The following ANKRD55 variants were observed in gnomAD, a reference collection of about 807,000 sequenced individuals.
ANKRD55 encodes ankyrin repeat domain 55, also known as ankyrin repeat domain-containing protein 55.
In ANKRD55, 41 loss-of-function variants were observed where a neutral mutation model predicts 60.6. The ratio of observed to expected loss-of-function variants is 0.68; its 90% confidence interval spans 0.53 to 0.88. The LOEUF is 0.88. Among genes scored for constraint, ANKRD55 ranks in the 40% least tolerant of loss-of-function variants. The probability of loss-of-function intolerance (pLI) is 0.00; values close to 1 mark genes in which losing one functional copy is unlikely to be tolerated. For synonymous variants in ANKRD55, 264 were observed against 290.3 expected, an observed-to-expected ratio of 0.91 and a Z score of 0.92; for missense variants, 732 against 767.6, an observed-to-expected ratio of 0.95 and a Z score of 0.55.
At chr5:56,111,038 T>A in intron 10 of ANKRD55, 80 bp downstream of exon 10, 1 of 1,492,524 alleles carries the variant, frequency 6.7e-7, no homozygotes, top group East Asian at 2.3e-5. Flanking sequence ...CTATTGTCAC[T>A]CCAGTTCCTA....
intron 9 of ANKRD55, among the ~76,000 whole-genome samples, chr5:56,116,185 T>C (rs1756880686): frequency 6.6e-6 from 1 of 152,172 alleles, no homozygotes. Flanking sequence ...GCCATAAATA[T>C]TGACGGGTTT....
intron 8 of ANKRD55, among the ~76,000 whole-genome samples, chr5:56,117,200 G>A (rs1181998140): frequency 6.6e-6 from 1 of 152,124 alleles, no homozygotes; most frequent in African/African-American, 2.4e-5. Flanking sequence ...ATTTTGGTAG[G>A]CAAAATATGC....
At chr5:56,149,849 T>C (rs1757998102) in intron 6 of ANKRD55, among the ~76,000 whole-genome samples, 1 of 151,760 alleles carries the variant, frequency 6.6e-6, no homozygotes, top group Non-Finnish European at 1.5e-5. Flanking sequence ...ACTTCTTTTT[T>C]TTTTTTTTTT....
At chr5:56,210,547 C>A (rs1227946383) in intron 2 of ANKRD55, among the ~76,000 whole-genome samples, 23 of 114,022 alleles carry the variant, frequency 2.0e-4, no homozygotes, top group African/African-American at 3.6e-5. Flanking sequence ...GGCGACAGAG[C>A]GAGACTACGT....
At chr5:56,160,395 C>T (rs746639170) in intron 5 of ANKRD55, among the ~76,000 whole-genome samples, 4 of 152,140 alleles carry the variant, frequency 2.6e-5, no homozygotes, top group Non-Finnish European at 5.9e-5. Context: ...CCCCGCACCA[C>T]GCCCTGCTAA....
chr5:56,217,256 G>T (rs1371740860), intron 2 of ANKRD55, among the ~76,000 whole-genome samples: 1 of 152,168 alleles, frequency 6.6e-6, no homozygotes, highest in African/African-American at 2.4e-5. Context: ...AGAAAGAAAA[G>T]TTCCTTTCAA....
At chr5:56,134,449 G>A (rs1416457880) in intron 7 of ANKRD55, among the ~76,000 whole-genome samples, 1 of 111,224 alleles carries the variant, frequency 9.0e-6, no homozygotes, top group Non-Finnish European at 2.1e-5. Flanking sequence ...CGTGGTGGCA[G>A]GCGCCTGTAA....
At chr5:56,233,032 A>T (rs1220405229) in intron 1 of ANKRD55, 86 bp from the exon 2 acceptor site, 2 of 890,068 alleles carry the variant, frequency 2.2e-6, no homozygotes, top group African/African-American at 3.3e-5. Flanking sequence ...CTGTTTCAGG[A>T]TTAAATGTGC....
chr5:56,129,228 A>G (rs972446618), intron 7 of ANKRD55, among the ~76,000 whole-genome samples: 12 of 152,174 alleles, frequency 7.9e-5, no homozygotes, highest in African/African-American at 2.9e-4. Flanking sequence ...ACAAGAAGAA[A>G]TGGGACTGTG....
At chr5:56,142,705 G>T (rs574176871) in intron 7 of ANKRD55, among the ~76,000 whole-genome samples, 1 of 152,328 alleles carries the variant, frequency 6.6e-6, no homozygotes, top group South Asian at 2.1e-4. Flanking sequence ...CGCTACAGTG[G>T]TGACCCCTGA....
chr5:56,126,935 C>G lies in ANKRD55; in HGVS notation c.784G>C (p.Asp262His). 1 of 1,609,318 alleles carries G rather than the reference C, an allele frequency of 6.2e-7. No individual in the cohort carries two copies. Among genetic ancestry groups the G allele is most frequent in the Non-Finnish European group, 8.5e-7 (1 of 1,177,106 alleles). The stretch of plus-strand genomic sequence containing the variant: ...TACCATGGATACCTGTCATCCACAT[C>G]CAGAGCCTGCAGGTTACACTCAGGG... Reference protein sequence around the residue: ...RVPECNLQALDVDDRTPLHWA... With the variant: ...RVPECNLQALHVDDRTPLHWA... Residue 262 changes from aspartate to histidine, a missense_variant, in exon 8 of 12, where the codon GAT becomes CAT. Asp to His is a moderately conservative substitution (Grantham distance 81). Around this residue, in one of 3 missense-constraint regions of ANKRD55, gnomAD observed 597 missense variants for 607.5 expected, o/e 0.98. Transcript: ENST00000341048.
intron 7 of ANKRD55, among the ~76,000 whole-genome samples, chr5:56,130,900 G>A (rs1310090508): frequency 2.6e-5 from 4 of 152,122 alleles, no homozygotes; most frequent in African/African-American, 4.8e-5. Context: ...GAGTCTCTGC[G>A]CTTGAGAAGA....
At chr5:56,114,009 T>TA (rs1756815484) in intron 9 of ANKRD55, among the ~76,000 whole-genome samples, 1 of 121,598 alleles carries the variant, frequency 8.2e-6, no homozygotes, top group Non-Finnish European at 1.7e-5. Context: ...TATATATATA[T>TA]ATATATACAA....
At chr5:56,136,369 A>G (rs1027208873) in intron 7 of ANKRD55, among the ~76,000 whole-genome samples, 7 of 152,228 alleles carry the variant, frequency 4.6e-5, no homozygotes, top group African/African-American at 7.2e-5. Flanking sequence ...CTATAAAGCT[A>G]CAGTAATCAA....
At chr5:56,158,473 AG>A (rs1207875944) in intron 6 of ANKRD55, among the ~76,000 whole-genome samples, 2 of 152,220 alleles carry the variant, frequency 1.3e-5, no homozygotes, top group Non-Finnish European at 2.9e-5. Context: ...AAAAGAGTTA[AG>A]CAGATCTAAC....
At chr5:56,209,874 T>G (rs1759618997) in intron 2 of ANKRD55, among the ~76,000 whole-genome samples, 1 of 152,214 alleles carries the variant, frequency 6.6e-6, no homozygotes, top group African/African-American at 2.4e-5. Context: ...TCTAGAAAGG[T>G]TGGACCAATA....
At chr5:56,118,480 C>G (rs1481683228) in intron 8 of ANKRD55, among the ~76,000 whole-genome samples, 1 of 151,944 alleles carries the variant, frequency 6.6e-6, no homozygotes, top group Non-Finnish European at 1.5e-5. Context: ...AAAAAATTAA[C>G]CAGGCATGCT....
intron 2 of ANKRD55, among the ~76,000 whole-genome samples, chr5:56,218,541 T>A (rs1369124437): frequency 6.6e-6 from 1 of 152,228 alleles, no homozygotes; most frequent in Non-Finnish European, 1.5e-5. Flanking sequence ...AAAGTATTTT[T>A]AAAATAAGGT....
intron 10 of ANKRD55, among the ~76,000 whole-genome samples, chr5:56,106,884 T>C (rs1268726303): frequency 6.6e-6 from 1 of 151,960 alleles, no homozygotes; most frequent in Admixed American, 6.6e-5. Flanking sequence ...GGAGGAGATG[T>C]GTCTGTAGTT....
Sources: allele counts gnomAD v4.1 joint callset (sites outside exome capture counted in the v4.1 genomes callset), GRCh38; gene constraint gnomAD v4.1.1; regional missense constraint gnomAD v4.1.1; transcripts MANE v1.5; gene names NCBI Gene and HGNC (gene_info 2026-07-23, HGNC 2026-07-21).